Variants in HTR3E observed in about 807,000 individuals in gnomAD.
HTR3E encodes 5-hydroxytryptamine receptor 3E, also known as 5-hydroxytryptamine (serotonin) receptor 3, family member E.
Under a neutral mutation model 38.0 loss-of-function variants are expected in HTR3E, and 38 were observed. The ratio of observed to expected loss-of-function variants is 1.00; its 90% CI spans 0.77 to 1.31. The LOEUF is 1.31. Among genes scored for constraint, HTR3E ranks in the 50% most tolerant of loss-of-function variants. HTR3E has a pLI of 0.00. For missense variants in HTR3E, 547 were observed against 585.2 expected, an observed-to-expected ratio of 0.93 and a Z score of 0.67; for synonymous variants, 210 against 232.9, an observed-to-expected ratio of 0.90 and a Z score of 0.89.
chr3:184,099,814 G>A (rs1406079401), intron 1 of HTR3E, among the ~76,000 whole-genome samples: 2 of 151,556 alleles, frequency 1.3e-5, no homozygotes, highest in Admixed American at 6.6e-5. Flanking sequence ...AAACTAGAAC[G>A]CTGGTGATAG....
Position 184,104,648 on chromosome 3 carries a change from T to C in HTR3E, c.390-139T>C, listed in dbSNP as rs971547742. The C allele has an allele frequency of 1.1e-5, 8 of 708,120 alleles. No homozygotes were observed. In the Admixed American group the frequency reaches 2.8e-4, roughly 25 times the overall value. The allele number at this position is 708,120 out of a possible 1,614,324, so 43.9% of individuals were successfully genotyped here. On this transcript the variant is annotated intron_variant, in intron 4 of 8. Coordinates refer to ENST00000415389, the MANE Select transcript of HTR3E (RefSeq NM_001256613.2). ...AGGAGGATCATTTGAGCCCAGGACA[T>C]GGAAGTTGCAGTGAGCTGAGAGCAT...
Position 184,100,592 on chromosome 3 carries a change from A to G in HTR3E, c.175A>G (p.Asn59Asp), listed in dbSNP as rs770168236. 34 of 1,614,064 alleles carry G rather than the reference A, an allele frequency of 2.1e-5. No homozygotes were observed. Among genetic ancestry groups the G allele is most frequent in the Non-Finnish European group, 2.6e-5 (31 of 1,179,978 alleles). Residue 59 changes from asparagine to aspartate, a missense_variant, in exon 2 of 9, where the codon AAC becomes GAC. Physicochemically the swap from Asn to Asp is conservative, Grantham distance 23. Transcript: ENST00000415389. ...TAGAAAGCCCTTCCGTCCGGTCACC[A>G]ACATCAGCGTCCCCACCCAAGTCAA... ...FNRKPFRPVT[N>D]ISVPTQVNIS...
At position 184,106,227 on chromosome 3, in the gene HTR3E, C is replaced by A. The variant is rs1423796161; in HGVS notation, c.1025C>A (p.Pro342His). The change falls in exon 8 of 9, where the codon CCC becomes CAC. Residue 342 changes from proline to histidine, a missense_variant. Transcript: ENST00000415389. The surrounding 1 kb of genome is among the most constrained non-coding windows in gnomAD (Gnocchi z 4.1). The part of the protein sequence containing the change: ...LLHVATTQPP[P>H]LPRWLHSLLL... ...CACGTGGCCACCACCCAGCCCCCAC[C>A]CCTGCCTCGGTGGCTCCACTCCCTG... is the stretch of plus-strand genomic sequence containing the variant. 2 of 1,612,922 alleles carry A rather than the reference C, an allele frequency of 1.2e-6. No homozygotes were observed. The highest frequency in any genetic ancestry group is 1.7e-5 in the Admixed American group (1 of 60,012).
Position 184,106,535 on chromosome 3 carries a change from G to C in HTR3E, c.1213G>C (p.Glu405Gln). 1 of 1,613,848 alleles carries C rather than the reference G, an allele frequency of 6.2e-7. No homozygotes were observed. The highest frequency in any genetic ancestry group is 8.5e-7 in the Non-Finnish European group (1 of 1,179,836). ...PAEAELTGGS[E>Q]WTRAQREHEA... ...GGAGGCAGAGCTGACAGGGGGCTCA[G>C]AATGGACAAGGGCCCAGCGGGAACA... is the stretch of plus-strand genomic sequence containing the variant. Residue 405 changes from glutamate to glutamine, a missense_variant, in exon 9 of 9, where the codon GAA becomes CAA. Glu to Gln is a conservative substitution (Grantham distance 29). Transcript: ENST00000415389. This position sits in a 1 kb window ranked among gnomAD's most constrained non-coding sequence, Gnocchi z 4.1.
intron 1 of HTR3E, chr3:184,100,111 C>T: frequency 7.8e-7 from 1 of 1,287,930 alleles, no homozygotes; most frequent in Non-Finnish European, 9.8e-7. Context: ...TCTCGGTGAT[C>T]CCCTCCCCAT....
Position 184,105,369 on chromosome 3 carries a change from G to A in HTR3E, c.662G>A (p.Ser221Asn), listed in dbSNP as rs1712360281. The change falls in exon 6 of 9, where the codon AGC (serine) becomes AAC (asparagine). Residue 221 changes from serine (S) to asparagine (N), a missense_variant. Coordinates refer to ENST00000415389, the MANE Select transcript of HTR3E (RefSeq NM_001256613.2). Reference protein sequence around the residue: ...THGEWELLGLSKATAKLSRGG... With the variant: ...THGEWELLGLNKATAKLSRGG... ...GGAGAATGGGAGCTCCTGGGCCTCA[G>A]CAAGGCCACCGCAAAGTTGTCCAGG... 5.6e-6 allele frequency: 9 copies of A among 1,614,148 alleles called. No homozygotes were observed. The highest frequency in any genetic ancestry group is 7.6e-6 in the Non-Finnish European group (9 of 1,180,004).
At chr3:184,103,182 T>C (rs925679945) in intron 3 of HTR3E, among the ~76,000 whole-genome samples, 1 of 152,068 alleles carries the variant, frequency 6.6e-6, no homozygotes, top group African/African-American at 2.4e-5. Flanking sequence ...AGTTTCCAAC[T>C]TGAAAAGCCT....
In HTR3E at chr3:184,106,736, C is replaced by G. The variant is rs1560098377; in HGVS notation, c.*43C>G. 14 of 1,600,686 alleles carry G rather than the reference C, an allele frequency of 8.7e-6. No individual in the cohort carries two copies. The highest frequency in any genetic ancestry group is 1.3e-5 in the African/African-American group (1 of 74,806). On this transcript the variant is annotated 3_prime_UTR_variant, in exon 9 of 9. Transcript: ENST00000415389. The surrounding 1 kb of genome is among the most constrained non-coding windows in gnomAD (Gnocchi z 4.1). ...AACTTCAGTCTGGAGCTTCTCTTGC[C>G]TCCAGGGACTGGCCAGGTCTCCCCC...
chr3:184,102,264 G>T (rs1712095389), intron 3 of HTR3E, among the ~76,000 whole-genome samples: 1 of 150,708 alleles, frequency 6.6e-6, no homozygotes, highest in African/African-American at 2.4e-5. Context: ...GGAGTTTGAG[G>T]CCAGCCTGGG....
Position 184,105,880 on chromosome 3 carries a change from T to A in HTR3E, c.836T>A (p.Val279Asp). ...CTGCCAGTGAAAAGTGGGAATCGTG[T>A]CCCATTCAAGATAACGCTCCTGCTG... ...FYLPVKSGNRVPFKITLLLGY... is the reference protein window; with the variant it reads ...FYLPVKSGNRDPFKITLLLGY... Residue 279 changes from valine (V) to aspartate (D), a missense_variant, in exon 7 of 9, where the codon GTC (valine) becomes GAC (aspartate). Val to Asp is a radical substitution (Grantham distance 152, BLOSUM62 -3). Coordinates refer to ENST00000415389, the MANE Select transcript of HTR3E (RefSeq NM_001256613.2). 1 of 1,614,078 alleles carries A rather than the reference T, an allele frequency of 6.2e-7. No individual in the cohort carries two copies. Among genetic ancestry groups the A allele is most frequent in the Non-Finnish European group, 8.5e-7 (1 of 1,180,016 alleles).
chr3:184,100,615 C>T lies in HTR3E; in HGVS notation c.198C>T (p.Val66=), dbSNP rs1711979378. 3 of 1,614,078 alleles carry T rather than the reference C, an allele frequency of 1.9e-6. No homozygotes were observed. Among genetic ancestry groups the T allele is most frequent in the Non-Finnish European group, 8.5e-7 (1 of 1,179,974 alleles). Reference sequence around the variant, plus strand: ...CCAACATCAGCGTCCCCACCCAAGTCAACATCTCCTTCGCGATGTCTGCCA... The same window carrying T: ...CCAACATCAGCGTCCCCACCCAAGTTAACATCTCCTTCGCGATGTCTGCCA... ...PVTNISVPTQ[V]NISFAMSAIL... Residue 66 remains valine (V), a synonymous_variant, in exon 2 of 9, where the codon GTC becomes GTT. Transcript: ENST00000415389.
Position 184,105,219 on chromosome 3 carries a change from C to T in HTR3E, c.560-48C>T, listed in dbSNP as rs777904270. ...TGGAAAAAGAGTGCAGTTGAGCCAC[C>T]AGGAAACTATCTCCTTGAAAAATGA... On this transcript the variant is annotated intron_variant, in intron 5 of 8. Coordinates refer to ENST00000415389, the MANE Select transcript of HTR3E (RefSeq NM_001256613.2). The T allele has an allele frequency of 1.0e-5, 16 of 1,549,122 alleles. No homozygotes were observed. In the Admixed American group the frequency reaches 1.6e-4, roughly 15 times the overall value.
rs1438721382 is a variant in HTR3E at position 184,104,445 on chromosome 3, C to G, written c.389+154C>G. 1.7e-5 allele frequency: 21 copies of G among 1,227,556 alleles called. No individual in the cohort carries two copies. The East Asian group carries it at 5.5e-4, about 32-fold the overall frequency. The allele number at this position is 1,227,556 out of a possible 1,614,324, so 76.0% of individuals were successfully genotyped here. ...ACTGAGCCAGGCGCAGTGGCTAATG[C>G]CTGTAATCCCAGCACTTTGGGAGGC... On this transcript the variant is annotated intron_variant, in intron 4 of 8. Transcript: ENST00000415389.
At chr3:184,099,733 A>C (rs1212594404) in intron 1 of HTR3E, among the ~76,000 whole-genome samples, 1 of 145,320 alleles carries the variant, frequency 6.9e-6, no homozygotes. Context: ...AAAAAAAAAA[A>C]AAAAAAAGAA....
intron 3 of HTR3E, 47 bp from the exon 4 acceptor site, chr3:184,104,129 TAAAGAA>T: frequency 1.6e-6 from 2 of 1,274,464 alleles, no homozygotes; most frequent in African/African-American, 1.5e-5. Context: ...CTTTTTTTTT[TAAAGAA>T]GAAATTAAAA....
chr3:184,104,825 A>G lies in HTR3E; in HGVS notation c.428A>G (p.Tyr143Cys), dbSNP rs766948279. 2.5e-6 allele frequency: 4 copies of G among 1,614,068 alleles called. No homozygotes were observed. In the East Asian group the frequency reaches 8.9e-5, roughly 36 times the overall value. ...AAGACCCCAAAAGGCCTCACAGCAT[A>G]TGTAAGTAATGAAGGTCGCATCAGG... ...VDKTPKGLTA[Y>C]VSNEGRIRYK... Residue 143 changes from tyrosine to cysteine, a missense_variant, in exon 5 of 9, where the codon TAT (tyrosine) becomes TGT (cysteine). Physicochemically the swap from Tyr to Cys is radical, Grantham distance 194 (BLOSUM62 -2). Transcript: ENST00000415389.
At chr3:184,101,427 G>A (rs1712036325) in intron 2 of HTR3E, 58 bp from the exon 3 acceptor site, 3 of 1,403,372 alleles carry the variant, frequency 2.1e-6, no homozygotes, top group Admixed American at 3.4e-5. Context: ...GGGAAGTGGG[G>A]GAGATGGAAC....
chr3:184,103,291 G>C (rs1712173730), intron 3 of HTR3E, among the ~76,000 whole-genome samples: 1 of 151,604 alleles, frequency 6.6e-6, no homozygotes, highest in African/African-American at 2.4e-5. Flanking sequence ...AGACCAGCCT[G>C]GCCAACATGA....
intron 1 of HTR3E, among the ~76,000 whole-genome samples, chr3:184,099,522 G>T (rs1711856498): frequency 6.6e-6 from 1 of 151,702 alleles, no homozygotes; most frequent in Non-Finnish European, 1.5e-5. Flanking sequence ...AGACCATCCT[G>T]GCTAACAAGG....
Sources: allele counts gnomAD v4.1 joint callset (sites outside exome capture counted in the v4.1 genomes callset), GRCh38; gene constraint gnomAD v4.1.1; non-coding constraint Gnocchi (gnomAD v3.1); transcripts MANE v1.5; gene names NCBI Gene and HGNC (gene_info 2026-07-23, HGNC 2026-07-21).